KLRG1: variants seen among roughly 807,000 people sequenced by gnomAD.
KLRG1 encodes killer cell lectin-like receptor subfamily G member 1.
KLRG1 carries 16 observed loss-of-function variants against 21.8 expected under a neutral mutation model. The observed-to-expected ratio is 0.73, with a 90% CI of 0.50 to 1.11. KLRG1 has a LOEUF of 1.11. Ranked by LOEUF, KLRG1 falls within the 50% of genes most tolerant of loss-of-function variation. The pLI, the probability that KLRG1 is intolerant of heterozygous loss-of-function variation, is 0.00. For missense variants in KLRG1, 173 were observed against 218.3 expected, an observed-to-expected ratio of 0.79 and a Z score of 1.31; for synonymous variants, 69 against 75.9, an observed-to-expected ratio of 0.91 and a Z score of 0.47.
the KLRG1 span, among the ~76,000 whole-genome samples, chr12:9,083,295 C>T: frequency 2.2e-4 from 34 of 151,602 alleles, no homozygotes; most frequent in Non-Finnish European, 3.8e-4. Flanking sequence ...ATGTAAATGA[C>T]GAGTTAATGG....
the KLRG1 span, chr12:9,164,174 T>C: frequency 6.2e-7 from 1 of 1,611,618 alleles, no homozygotes; most frequent in Non-Finnish European, 8.5e-7. Context: ...GGTTTGTCTC[T>C]CATTTCCACA....
the KLRG1 span, among the ~76,000 whole-genome samples, chr12:9,126,979 G>A: frequency 6.6e-6 from 1 of 152,102 alleles, no homozygotes; most frequent in Non-Finnish European, 1.5e-5. Flanking sequence ...CTTGTCCCGC[G>A]GTCTATGAGT....
At chr12:9,035,706 C>A in the KLRG1 span, among the ~76,000 whole-genome samples, 3 of 152,084 alleles carry the variant, frequency 2.0e-5, no homozygotes, top group Admixed American at 6.6e-5. Context: ...GTGCATGTTC[C>A]TTGCAGCACT....
rs183041717 is a variant in KLRG1 at position 8,963,682 on chromosome 12, G to A, written c.-156+13446G>A. ...TCTGGTCCTGGACTTTTTTTGGTTG[G>A]TAAGCTATTGATTATTGCCTCAATT... is the stretch of plus-strand genomic sequence containing the variant. On this transcript the variant is annotated intron_variant, in intron 1 of 4. Coordinates refer to the KLRG1 transcript ENST00000539240. Among the ~76,000 whole-genome samples, 1,431 of 152,236 alleles carry A rather than the reference G, an allele frequency of 9.4e-3. 15 individuals carry two copies. Among genetic ancestry groups the A allele is most frequent in the Non-Finnish European group, 0.013 (903 of 68,002 alleles).
chr12:9,097,833 A>G, the KLRG1 span, among the ~76,000 whole-genome samples: 1 of 152,084 alleles, frequency 6.6e-6, no homozygotes, highest in Admixed American at 6.5e-5. Context: ...GGGTTTCATT[A>G]TATTGGCCAG....
At chr12:9,001,774 C>T (rs557768353) in intron 3 of KLRG1, among the ~76,000 whole-genome samples, 22 of 152,136 alleles carry the variant, frequency 1.4e-4, no homozygotes, top group Non-Finnish European at 3.1e-4. Flanking sequence ...GTGGGAATTC[C>T]CCTGTCGCTG....
At chr12:9,030,449 C>T in the KLRG1 span, among the ~76,000 whole-genome samples, 78 of 152,062 alleles carry the variant, frequency 5.1e-4, no homozygotes, top group African/African-American at 1.7e-3. Context: ...CACTGTTGCC[C>T]GGGCTTGAGT....
At chr12:9,095,518 T>C in the KLRG1 span, 1 of 1,602,020 alleles carries the variant, frequency 6.2e-7, no homozygotes, top group Non-Finnish European at 8.5e-7. Flanking sequence ...GATCAGACCA[T>C]CTGCAACATA....
the KLRG1 span, among the ~76,000 whole-genome samples, chr12:9,207,559 G>A: frequency 6.6e-6 from 1 of 152,192 alleles, no homozygotes; most frequent in African/African-American, 2.4e-5. Context: ...AGGACTGTTG[G>A]GTCCTGAACA....
At chr12:9,140,949 C>T in the KLRG1 span, among the ~76,000 whole-genome samples, 2 of 152,134 alleles carry the variant, frequency 1.3e-5, no homozygotes, top group African/African-American at 4.8e-5. Flanking sequence ...CAAAATAAAA[C>T]AGATTCTTAT....
At chr12:9,041,381 A>G in the KLRG1 span, among the ~76,000 whole-genome samples, 1 of 152,210 alleles carries the variant, frequency 6.6e-6, no homozygotes, top group African/African-American at 2.4e-5. Flanking sequence ...GTTGATATGT[A>G]ATTGATGCAC....
At chr12:9,190,826 A>T in the KLRG1 span, among the ~76,000 whole-genome samples, 1 of 152,216 alleles carries the variant, frequency 6.6e-6, no homozygotes, top group Non-Finnish European at 1.5e-5. Context: ...AATAGTGTGA[A>T]AAGAGAACAA....
the KLRG1 span, among the ~76,000 whole-genome samples, chr12:9,114,206 G>T: frequency 6.6e-6 from 1 of 152,140 alleles, no homozygotes; most frequent in Non-Finnish European, 1.5e-5. Context: ...TGGTCCTCTG[G>T]TGATTGACTT....
At chr12:9,208,774 A>G in the KLRG1 span, among the ~76,000 whole-genome samples, 4 of 152,170 alleles carry the variant, frequency 2.6e-5, no homozygotes, top group African/African-American at 4.8e-5. Context: ...AGTTATAACT[A>G]TAGACTTTAG....
the KLRG1 span, among the ~76,000 whole-genome samples, chr12:9,027,337 G>C: frequency 6.6e-6 from 1 of 151,484 alleles, no homozygotes; most frequent in African/African-American, 2.4e-5. Context: ...AAAATAACCT[G>C]TTATACAATT....
chr12:9,028,506 C>T, the KLRG1 span, among the ~76,000 whole-genome samples: 9 of 142,906 alleles, frequency 6.3e-5, no homozygotes, highest in South Asian at 9.0e-4. Flanking sequence ...TGCAGTGGCA[C>T]GATCTCTGCT....
chr12:9,141,500 C>T, the KLRG1 span, among the ~76,000 whole-genome samples: 20 of 152,224 alleles, frequency 1.3e-4, no homozygotes, highest in East Asian at 3.9e-3. Flanking sequence ...ACCCACTGTG[C>T]TTTTATTTTA....
At chr12:9,110,092 A>G in the KLRG1 span, 1 of 1,542,340 alleles carries the variant, frequency 6.5e-7, no homozygotes, top group Non-Finnish European at 8.8e-7. Context: ...GGAGCTAATA[A>G]AAGATATCTA....
the KLRG1 span, among the ~76,000 whole-genome samples, chr12:9,139,882 T>C: frequency 6.6e-6 from 1 of 152,154 alleles, no homozygotes; most frequent in African/African-American, 2.4e-5. Context: ...TCTTACAGAC[T>C]AAGAGTATTT....
Sources: gnomAD v4.1 joint callset for allele counts (sites outside exome capture counted in the v4.1 genomes callset) on GRCh38, gnomAD v4.1.1 for gene constraint, MANE v1.5 for transcripts, NCBI Gene and HGNC (gene_info 2026-07-23, HGNC 2026-07-21) for gene names.